Variants in PLA2G6 observed in about 807,000 individuals in gnomAD.
The protein encoded by PLA2G6 is 85/88 kDa calcium-independent phospholipase A2.
PLA2G6 carries 62 observed loss-of-function variants against 83.8 expected under a neutral mutation model. The ratio of observed to expected loss-of-function variants is 0.74; its 90% CI spans 0.60 to 0.91. The LOEUF is 0.91. Among genes scored for constraint, PLA2G6 ranks in the 40% least tolerant of loss-of-function variants. PLA2G6 has a pLI of 0.00. For missense variants in PLA2G6, 944 were observed against 1,102.0 expected, an observed-to-expected ratio of 0.86 and a Z score of 2.03; for synonymous variants, 417 against 449.8, an observed-to-expected ratio of 0.93 and a Z score of 0.92.
At chr22:38,154,094 G>C (rs2145868211) in intron 2 of PLA2G6, among the ~76,000 whole-genome samples, 1 of 152,364 alleles carries the variant, frequency 6.6e-6, no homozygotes, top group South Asian at 2.1e-4. Context: ...GAGCACTGGG[G>C]AGATTACTAA....
intron 9 of PLA2G6, 88 bp from the exon 10 acceptor site, chr22:38,126,537 G>A (rs1377964114): frequency 2.1e-6 from 2 of 968,990 alleles, no homozygotes; most frequent in African/African-American, 1.6e-5. Context: ...CCTGGGCTGT[G>A]CCTCGCCCAC....
intron 2 of PLA2G6, among the ~76,000 whole-genome samples, chr22:38,158,307 C>A (rs1272428623): frequency 6.6e-6 from 1 of 151,506 alleles, no homozygotes; most frequent in Non-Finnish European, 1.5e-5. Context: ...GTAGCTGTGA[C>A]CACAGGTGCC....
intron 12 of PLA2G6, among the ~76,000 whole-genome samples, chr22:38,116,851 C>CAA (rs57712042): frequency 0.013 from 473 of 36,992 alleles, 12 homozygotes; most frequent in Middle Eastern, 0.025. Flanking sequence ...AACTCCGTCT[C>CAA]AAAAAAAAAA....
chr22:38,134,908 G>C, intron 6 of PLA2G6, 80 bp downstream of exon 6: 1 of 1,003,316 alleles, frequency 1.0e-6, no homozygotes, highest in Non-Finnish European at 1.5e-6. Context: ...GGGTCCTCTC[G>C]GGAACCTGCT....
intron 2 of PLA2G6, among the ~76,000 whole-genome samples, chr22:38,160,663 G>C (rs137997496): frequency 2.6e-5 from 4 of 152,116 alleles, no homozygotes; most frequent in African/African-American, 9.7e-5. Flanking sequence ...TGGCTAACAC[G>C]GTGAAACCTC....
In PLA2G6 at chr22:38,129,466, T is replaced by C; in HGVS notation, c.1174A>G (p.Lys392Glu). Residue 392 changes from lysine (K) to glutamate (E), a missense_variant, in exon 8 of 17, where the codon AAA (lysine) becomes GAA (glutamate). Transcript: ENST00000332509. ...GCAGAGCACATACGTCTGCCGATTTTGGAGGCTAGGAATGTAGGAGTCTCC... is the reference window on the plus strand; with the variant it reads ...GCAGAGCACATACGTCTGCCGATTTCGGAGGCTAGGAATGTAGGAGTCTCC... Reference protein sequence around the residue: ...FGETPTFLASKIGRLVTRKAI... With the variant: ...FGETPTFLASEIGRLVTRKAI... 6.2e-7 allele frequency: 1 copy of C among 1,611,754 alleles called. No homozygotes were observed. Among genetic ancestry groups the C allele is most frequent in the Non-Finnish European group, 8.5e-7 (1 of 1,177,806 alleles).
intron 15 of PLA2G6, chr22:38,112,899 CTCTCTCTCTT>C: frequency 1.9e-6 from 1 of 517,870 alleles, no homozygotes; most frequent in South Asian, 2.2e-5. Context: ...CTCTCTCTCT[CTCTCTCTCTT>C]TCTTTCTTTC....
intron 2 of PLA2G6, among the ~76,000 whole-genome samples, chr22:38,153,861 G>A (rs958002714): frequency 6.6e-6 from 1 of 152,174 alleles, no homozygotes; most frequent in Non-Finnish European, 1.5e-5. Flanking sequence ...TGGGTCAGAG[G>A]GGAGCCCACT....
intron 12 of PLA2G6, 68 bp from the exon 13 acceptor site, chr22:38,116,279 T>TA (rs1350299111): frequency 1.3e-6 from 2 of 1,570,316 alleles, no homozygotes; most frequent in Non-Finnish European, 1.8e-6. Context: ...TCCCCACAAT[T>TA]CACACCCCAG....
intron 2 of PLA2G6, among the ~76,000 whole-genome samples, chr22:38,165,703 C>T (rs577640159): frequency 6.6e-6 from 1 of 152,082 alleles, no homozygotes; most frequent in Non-Finnish European, 1.5e-5. Context: ...ATGGTGAAAC[C>T]CCGTCTCTAC....
rs1196038511 is a variant in PLA2G6 at position 38,123,552 on chromosome 22, G to C, written c.1428-294C>G. ...GGATCTCGGCCAGTCTCCCCAACTT[G>C]GGACACCTGATTTTGGTCAGTATCA... On this transcript the variant is annotated intron_variant, in intron 10 of 16. Transcript: ENST00000332509. The surrounding 1 kb of genome is among the most constrained non-coding windows in gnomAD (Gnocchi z 4.1). Among the ~76,000 whole-genome samples, 4 of 152,118 alleles carry C rather than the reference G, an allele frequency of 2.6e-5. No individual in the cohort carries two copies. Among genetic ancestry groups the C allele is most frequent in the Non-Finnish European group, 5.9e-5 (4 of 68,022 alleles).
At position 38,135,009 on chromosome 22, in the gene PLA2G6, G is replaced by A; in HGVS notation, c.873C>T (p.Leu291=). 1 of 1,613,114 alleles carries A rather than the reference G, an allele frequency of 6.2e-7. No homozygotes were observed. The highest frequency in any genetic ancestry group is 8.5e-7 in the Non-Finnish European group (1 of 1,179,402). Residue 291 remains leucine (L), a synonymous_variant, in exon 6 of 17, where the codon CTC becomes CTT. Transcript: ENST00000332509. The part of the protein sequence containing the change: ...SKDPRYGASP[L]HWAKNAEMAR... ...TCACCTCTGCGTTCTTGGCCCAGTGGAGGGGGCTGGCTCCGTAACGGGGGT... is the reference window on the plus strand; with the variant it reads ...TCACCTCTGCGTTCTTGGCCCAGTGAAGGGGGCTGGCTCCGTAACGGGGGT...
At chr22:38,129,027 G>A (rs958525043) in intron 8 of PLA2G6, among the ~76,000 whole-genome samples, 1 of 152,248 alleles carries the variant, frequency 6.6e-6, no homozygotes, top group Non-Finnish European at 1.5e-5. Flanking sequence ...CTGTGCGAGC[G>A]TGCAGCACAT....
chr22:38,145,543 A>AG lies in PLA2G6; in HGVS notation c.319dup (p.Leu107ProfsTer10). 1.2e-6 allele frequency: 2 copies of AG among 1,613,624 alleles called. No individual in the cohort carries two copies. Among genetic ancestry groups the AG allele is most frequent in the Non-Finnish European group, 8.5e-7 (1 of 1,179,748 alleles). Reference sequence around the variant, plus strand: ...ACGGATGAGGTCGGTCAGGTGCTGCAGGACCTCAGTGTGCAGGACCTGAGG... The same window carrying AG: ...ACGGATGAGGTCGGTCAGGTGCTGCAGGGACCTCAGTGTGCAGGACCTGAGG... On this transcript the variant is annotated frameshift_variant, in exon 3 of 17. Coordinates refer to ENST00000332509, the MANE Select transcript of PLA2G6 (RefSeq NM_003560.4). LOFTEE classifies it high-confidence loss of function.
intron 1 of PLA2G6, among the ~76,000 whole-genome samples, chr22:38,175,093 C>T (rs968913627): frequency 3.9e-5 from 6 of 152,110 alleles, no homozygotes; most frequent in Admixed American, 2.0e-4. Context: ...TGCTACCTGC[C>T]GCAGCTGCCA....
chr22:38,133,008 G>C lies in PLA2G6; in HGVS notation c.900C>G (p.Ala300=). ...PLHWAKNAEM[A]RMLLKRGCNV... is the part of the protein sequence containing the mutation. ...TGCAGCCCCGTTTCAGCAGCATGCG[G>C]GCCATCTGCGGGAGACGGTCAGGCT... The change falls in exon 7 of 17, where the codon GCC becomes GCG. Residue 300 remains alanine, a synonymous_variant. Transcript: ENST00000332509. 1 of 1,562,016 alleles carries C rather than the reference G, an allele frequency of 6.4e-7. No individual in the cohort carries two copies. Among genetic ancestry groups the C allele is most frequent in the Non-Finnish European group, 8.7e-7 (1 of 1,154,628 alleles).
chr22:38,180,578 G>T (rs950847166), intron 1 of PLA2G6, among the ~76,000 whole-genome samples: 4 of 152,154 alleles, frequency 2.6e-5, no homozygotes, highest in African/African-American at 9.7e-5. Flanking sequence ...ACTGCCAAAT[G>T]ATACACTGAA....
At chr22:38,160,494 CT>C (rs2089965782) in intron 2 of PLA2G6, among the ~76,000 whole-genome samples, 1 of 152,150 alleles carries the variant, frequency 6.6e-6, no homozygotes, top group South Asian at 2.1e-4. Context: ...TGACAGACAG[CT>C]GCACACAAAA....
In PLA2G6 at chr22:38,123,007, C is replaced by G. The variant is rs2087611946; in HGVS notation, c.1591+88G>C. The stretch of plus-strand genomic sequence containing the variant: ...TAGCCCTCCTCTACTCCTCCACTCT[C>G]TTTTTGCAAAGCCCTGAAGACAAAC... On this transcript the variant is annotated intron_variant, in intron 11 of 16. Coordinates refer to ENST00000332509, the MANE Select transcript of PLA2G6 (RefSeq NM_003560.4). This position sits in a 1 kb window ranked among gnomAD's most constrained non-coding sequence, Gnocchi z 4.1. 4 of 1,332,760 alleles carry G rather than the reference C, an allele frequency of 3.0e-6. No homozygotes were observed. Among genetic ancestry groups the G allele is most frequent in the Non-Finnish European group, 4.2e-6 (4 of 962,402 alleles). The allele number at this position is 1,332,760 out of a possible 1,614,324, so 82.6% of individuals were successfully genotyped here.
Sources: gnomAD v4.1 joint callset for allele counts (sites outside exome capture counted in the v4.1 genomes callset) on GRCh38, gnomAD v4.1.1 for gene constraint, Gnocchi (gnomAD v3.1) non-coding constraint, MANE v1.5 for transcripts, NCBI Gene and HGNC (gene_info 2026-07-23, HGNC 2026-07-21) for gene names.